Variants in ALPL observed in about 807,000 individuals in gnomAD.
The protein encoded by ALPL is alkaline phosphatase, tissue-nonspecific isozyme.
ALPL carries 42 observed loss-of-function variants against 51.3 expected under a neutral mutation model. The ratio of observed to expected loss-of-function variants is 0.82; its 90% confidence interval spans 0.64 to 1.06. The LOEUF is 1.06. Among genes scored for constraint, ALPL ranks in the 50% least tolerant of loss-of-function variants. The probability of loss-of-function intolerance (pLI) is 0.00; values close to 1 mark genes in which losing one functional copy is unlikely to be tolerated. For missense variants in ALPL, 589 were observed against 709.4 expected (o/e 0.83, Z 1.93); for synonymous variants, 279 against 296.4 (o/e 0.94, Z 0.60).
At chr1:21,545,264 G>A (rs185854559) in intron 1 of ALPL, among the ~76,000 whole-genome samples, 259 of 152,058 alleles carry the variant, frequency 1.7e-3, no homozygotes, top group Admixed American at 3.6e-3. Context: ...CAATCACCAA[G>A]TTTTGGGGGT....
intron 2 of ALPL, among the ~76,000 whole-genome samples, chr1:21,557,938 A>G (rs924483007): frequency 6.6e-6 from 1 of 152,194 alleles, no homozygotes; most frequent in Non-Finnish European, 1.5e-5. Context: ...TACATTGGCC[A>G]CCAGAGACTT....
chr1:21,523,051 C>A (rs949879785), intron 1 of ALPL, among the ~76,000 whole-genome samples: 2 of 152,092 alleles, frequency 1.3e-5, no homozygotes, highest in Non-Finnish European at 2.9e-5. Context: ...TTTGGGAGGC[C>A]GAGGTGGGTG....
At chr1:21,537,740 C>T (rs1644128828) in intron 1 of ALPL, among the ~76,000 whole-genome samples, 1 of 152,206 alleles carries the variant, frequency 6.6e-6, no homozygotes, top group Admixed American at 6.5e-5. Context: ...GCTGGACGGA[C>T]CTGGCCTGAA....
chr1:21,575,702 C>G (rs368409274), intron 9 of ALPL, 31 bp from the exon 10 acceptor site: 1 of 1,613,072 alleles, frequency 6.2e-7, no homozygotes, highest in South Asian at 1.1e-5. Context: ...CCCCTCCTCC[C>G]TCACCGAGGC....
At chr1:21,540,585 C>T (rs1427067114) in intron 1 of ALPL, among the ~76,000 whole-genome samples, 3 of 152,186 alleles carry the variant, frequency 2.0e-5, no homozygotes, top group African/African-American at 2.4e-5. Context: ...TCCACCAGGC[C>T]GTGCTTGGGG....
At position 21,512,391 on chromosome 1, in the gene ALPL, A is replaced by C. The variant is rs1643707010; in HGVS notation, c.-105+2874A>C. Among the ~76,000 whole-genome samples, 2 of 152,216 alleles carry C rather than the reference A, an allele frequency of 1.3e-5. 1 individual carries two copies. Among genetic ancestry groups the C allele is most frequent in the South Asian group, 4.1e-4 (2 of 4,828 alleles). On this transcript the variant is annotated intron_variant, in intron 1 of 11. Transcript: ENST00000374840. ...ATATACTTTGCAGGGTCGCAAGATC[A>C]TAAATGGTTTTCCAACTTTGGGCTG...
At chr1:21,532,665 G>A (rs1188951605) in intron 1 of ALPL, among the ~76,000 whole-genome samples, 2 of 152,200 alleles carry the variant, frequency 1.3e-5, no homozygotes, top group Non-Finnish European at 2.9e-5. Flanking sequence ...AAACCTCTGC[G>A]TGCACCTTAC....
chr1:21,541,007 A>G (rs1303714288), intron 1 of ALPL, among the ~76,000 whole-genome samples: 2 of 152,216 alleles, frequency 1.3e-5, no homozygotes, highest in African/African-American at 4.8e-5. Flanking sequence ...TTGAAGGGAA[A>G]GTACTCAGCA....
chr1:21,557,277 G>T (rs1365243710), intron 2 of ALPL, among the ~76,000 whole-genome samples: 1 of 152,216 alleles, frequency 6.6e-6, no homozygotes, highest in Non-Finnish European at 1.5e-5. Flanking sequence ...AATCACATGG[G>T]ATAGTCACAG....
At chr1:21,513,537 T>C (rs1025850791) in intron 1 of ALPL, among the ~76,000 whole-genome samples, 3 of 152,130 alleles carry the variant, frequency 2.0e-5, no homozygotes, top group Non-Finnish European at 4.4e-5. Context: ...TGTAAACCAA[T>C]ATATCTGAGG....
At position 21,575,148 on chromosome 1, in the gene ALPL, G is replaced by A. The variant is rs567775013; in HGVS notation, c.998-585G>A. Among the ~76,000 whole-genome samples the A allele has an allele frequency of 2.6e-5, 4 of 152,340 alleles. No homozygotes were observed. In the South Asian group the frequency reaches 8.3e-4, roughly 32 times the overall value. ...GACTTTCACTACCTCTGGGAGCTCC[G>A]TGCTTTCTTTTTAGAGGGGATGATT... On this transcript the variant is annotated intron_variant, in intron 9 of 11. Coordinates refer to ENST00000374840, the MANE Select transcript of ALPL (RefSeq NM_000478.6).
At chr1:21,575,584 G>C (rs563683227) in intron 9 of ALPL, 149 bp from the exon 10 acceptor site, 9 of 932,472 alleles carry the variant, frequency 9.7e-6, no homozygotes, top group Non-Finnish European at 1.5e-5. Context: ...AAAATGCCTA[G>C]GCTGTGGTGC....
At chr1:21,538,298 C>A (rs1325553308) in intron 1 of ALPL, among the ~76,000 whole-genome samples, 1 of 152,150 alleles carries the variant, frequency 6.6e-6, no homozygotes. Context: ...GGGCTCTCGG[C>A]GTCAGCCCTG....
At position 21,563,226 on chromosome 1, in the gene ALPL, G is replaced by T. The variant is rs1306553847; in HGVS notation, c.414G>T (p.Arg138=). ...VGVSAATERS[R]CNTTQGNEVT... Reference sequence around the variant, plus strand: ...TAAGCGCAGCCACTGAGCGTTCCCGGTGCAACACCACCCAGGGGAACGAGG... The same window carrying T: ...TAAGCGCAGCCACTGAGCGTTCCCGTTGCAACACCACCCAGGGGAACGAGG... Residue 138 remains arginine, a synonymous_variant, in exon 5 of 12, where the codon CGG becomes CGT. Coordinates refer to ENST00000374840, the MANE Select transcript of ALPL (RefSeq NM_000478.6). 1.2e-6 allele frequency: 2 copies of T among 1,613,778 alleles called. No individual in the cohort carries two copies. Among genetic ancestry groups the T allele is most frequent in the African/African-American group, 2.7e-5 (2 of 74,930 alleles).
chr1:21,537,564 C>G (rs1644125826), intron 1 of ALPL, among the ~76,000 whole-genome samples: 1 of 152,134 alleles, frequency 6.6e-6, no homozygotes, highest in Non-Finnish European at 1.5e-5. Flanking sequence ...CCAGAACCAC[C>G]CCCCCCACCG....
chr1:21,551,001 G>A (rs1484934880), intron 1 of ALPL, among the ~76,000 whole-genome samples: 3 of 152,174 alleles, frequency 2.0e-5, no homozygotes, highest in Non-Finnish European at 4.4e-5. Context: ...AGAGAAACGG[G>A]TCCCAGGGTA....
At chr1:21,557,890 G>T (rs529100936) in intron 2 of ALPL, among the ~76,000 whole-genome samples, 1 of 152,272 alleles carries the variant, frequency 6.6e-6, no homozygotes, top group Non-Finnish European at 1.5e-5. Flanking sequence ...GCTTCCCTGT[G>T]CCAACCCCCT....
rs752514540 is a variant in ALPL at position 21,576,512 on chromosome 1, C to A, written c.1190-10C>A. Reference sequence around the variant, plus strand: ...CCAGCATGACCCCTGAACACCCCCTCCCTGTGCAGGTCTGGCCCCCATGCT... The same window carrying A: ...CCAGCATGACCCCTGAACACCCCCTACCTGTGCAGGTCTGGCCCCCATGCT... On this transcript the variant is annotated splice_polypyrimidine_tract_variant and intron_variant, in intron 10 of 11. Transcript: ENST00000374840. 3 of 1,613,768 alleles carry A rather than the reference C, an allele frequency of 1.9e-6. No homozygotes were observed. The highest frequency in any genetic ancestry group is 1.1e-5 in the South Asian group (1 of 91,044).
At position 21,509,982 on chromosome 1, in the gene ALPL, T is replaced by C. The variant is rs970716130; in HGVS notation, c.-105+465T>C. 5.9e-5 allele frequency among the ~76,000 whole-genome samples: 9 copies of C among 152,146 alleles called. No homozygotes were observed. Among genetic ancestry groups the C allele is most frequent in the Non-Finnish European group, 5.9e-5 (4 of 68,008 alleles). ...CTGGCGCCCTCCCAGGCGTCCCACC[T>C]GACCCGGTGGGGTCTAAAGCAGTTT... On this transcript the variant is annotated intron_variant, in intron 1 of 11. Transcript: ENST00000374840. This position sits in a 1 kb window ranked among gnomAD's most constrained non-coding sequence, Gnocchi z 6.0.
Sources: allele counts gnomAD v4.1 joint callset (sites outside exome capture counted in the v4.1 genomes callset), GRCh38; gene constraint gnomAD v4.1.1; non-coding constraint Gnocchi (gnomAD v3.1); transcripts MANE v1.5; gene names NCBI Gene and HGNC (gene_info 2026-07-23, HGNC 2026-07-21).